The following FBXO25 variants were observed in gnomAD, a reference collection of about 807,000 sequenced individuals.
FBXO25 encodes the protein F-box only protein 25.
A neutral mutation model predicts 51.9 loss-of-function variants in FBXO25; 45 were observed. The observed-to-expected ratio is 0.87, with a 90% CI of 0.68 to 1.11. FBXO25 has a LOEUF of 1.11. Ranked by LOEUF, FBXO25 falls within the 50% of genes most tolerant of loss-of-function variation. The pLI is 0.00. For synonymous variants in FBXO25, 199 were observed against 151.0 expected (o/e 1.32, Z -2.33); for missense variants, 507 against 428.5 (o/e 1.18, Z -1.62).
At chr8:418,180 C>T (rs1159879324) in intron 2 of FBXO25, among the ~76,000 whole-genome samples, 2 of 152,100 alleles carry the variant, frequency 1.3e-5, no homozygotes, top group Non-Finnish European at 2.9e-5. Flanking sequence ...CTGTCTGCTC[C>T]CATGCCATCT....
At position 469,001 on chromosome 8, in the gene FBXO25, T is replaced by C; in HGVS notation, c.*197T>C. The C allele has an allele frequency of 3.6e-6, 2 of 551,476 alleles. No homozygotes were observed. The highest frequency in any genetic ancestry group is 6.4e-6 in the Non-Finnish European group (2 of 313,796). 34.2% of individuals were successfully genotyped at this position (551,476 alleles called of 1,614,324 possible). On this transcript the variant is annotated 3_prime_UTR_variant, in exon 10 of 10. Transcript: ENST00000350302. Reference sequence around the variant, plus strand: ...TGAAAGTCAGAGGCCAAGGAAATCATTTCTACTTCTTTAAAAACTCCTTCT... The same window carrying C: ...TGAAAGTCAGAGGCCAAGGAAATCACTTCTACTTCTTTAAAAACTCCTTCT...
intron 7 of FBXO25, among the ~76,000 whole-genome samples, chr8:457,941 G>T (rs536775845): frequency 6.6e-6 from 1 of 152,238 alleles, no homozygotes; most frequent in African/African-American, 2.4e-5. Flanking sequence ...AGGCCACCCA[G>T]TGGTGTGGCA....
At position 468,853 on chromosome 8, in the gene FBXO25, G is replaced by A; in HGVS notation, c.*49G>A. The A allele has an allele frequency of 1.9e-6, 3 of 1,571,152 alleles. No individual in the cohort carries two copies. The highest frequency in any genetic ancestry group is 2.6e-6 in the Non-Finnish European group (3 of 1,148,002). On this transcript the variant is annotated 3_prime_UTR_variant, in exon 10 of 10. Coordinates refer to ENST00000350302, the MANE Select transcript of FBXO25 (RefSeq NM_183420.2). ...GGAGATTGTGAATCCTGCTGTCTGTGCAGGGCTCATAGTGAGTGTTCTGTG... is the reference window on the plus strand; with the variant it reads ...GGAGATTGTGAATCCTGCTGTCTGTACAGGGCTCATAGTGAGTGTTCTGTG...
chr8:452,786 C>G (rs937453507), intron 7 of FBXO25, among the ~76,000 whole-genome samples: 1 of 152,180 alleles, frequency 6.6e-6, no homozygotes, highest in Non-Finnish European at 1.5e-5. Context: ...GTGGAGACAA[C>G]AGCGAAGCTC....
chr8:440,130 C>T (rs1798337695), intron 5 of FBXO25, among the ~76,000 whole-genome samples: 1 of 152,170 alleles, frequency 6.6e-6, no homozygotes, highest in Non-Finnish European at 1.5e-5. Flanking sequence ...GGCTCTGCAG[C>T]CACACAGCCG....
At chr8:446,903 G>A (rs1798769036) in intron 5 of FBXO25, among the ~76,000 whole-genome samples, 2 of 151,400 alleles carry the variant, frequency 1.3e-5, no homozygotes, top group African/African-American at 4.9e-5. Context: ...AAGAAAGGCT[G>A]GAAGGAGAAT....
At chr8:460,057 T>A (rs1453335288) in intron 8 of FBXO25, among the ~76,000 whole-genome samples, 1 of 152,092 alleles carries the variant, frequency 6.6e-6, no homozygotes, top group East Asian at 1.9e-4. Context: ...TAGAATTTTG[T>A]GTGGAGGATT....
intron 2 of FBXO25, among the ~76,000 whole-genome samples, chr8:429,496 T>C (rs770202629): frequency 6.6e-6 from 1 of 152,250 alleles, no homozygotes; most frequent in African/African-American, 2.4e-5. Context: ...TGTAGTTGAT[T>C]GCTATGAAAT....
chr8:421,525 A>C (rs1419688319), intron 2 of FBXO25, among the ~76,000 whole-genome samples: 1 of 152,222 alleles, frequency 6.6e-6, no homozygotes, highest in Admixed American at 6.5e-5. Context: ...AGAAGTTACA[A>C]ATAAGAAAGG....
intron 5 of FBXO25, among the ~76,000 whole-genome samples, chr8:439,731 T>C (rs1798312279): frequency 6.6e-6 from 1 of 152,174 alleles, no homozygotes; most frequent in South Asian, 2.1e-4. Flanking sequence ...TCCTCATGTC[T>C]GGAGATGGAC....
Position 465,522 on chromosome 8 carries a change from C to T in FBXO25, c.987+2372C>T, listed in dbSNP as rs558248575. Among the ~76,000 whole-genome samples the T allele has an allele frequency of 6.2e-4, 95 of 152,272 alleles. 1 individual carries two copies. The highest frequency in any genetic ancestry group is 2.2e-3 in the African/African-American group (93 of 41,542). On this transcript the variant is annotated intron_variant, in intron 9 of 9. Transcript: ENST00000350302. Reference sequence around the variant, plus strand: ...ATTGGAGCTCTCCCTGTCTGCTGAGCAACTAACAAAGAAATACACAGTCCT... The same window carrying T: ...ATTGGAGCTCTCCCTGTCTGCTGAGTAACTAACAAAGAAATACACAGTCCT...
At chr8:451,582 T>A in intron 7 of FBXO25, 129 bp downstream of exon 7, 1 of 902,510 alleles carries the variant, frequency 1.1e-6, no homozygotes, top group Non-Finnish European at 1.6e-6. Context: ...AAGTATTCAT[T>A]AAATTGTTTT....
At chr8:468,395 G>A (rs748334428) in intron 9 of FBXO25, 73 of 553,020 alleles carry the variant, frequency 1.3e-4, no homozygotes, top group Non-Finnish European at 1.6e-4. Flanking sequence ...GGTTTCTTCT[G>A]TGGCCTTGTA....
chr8:448,349 C>A (rs1251155849), intron 5 of FBXO25, among the ~76,000 whole-genome samples: 2 of 152,196 alleles, frequency 1.3e-5, no homozygotes, highest in African/African-American at 4.8e-5. Context: ...AAGCAAGAAC[C>A]TCCCAATGGC....
At chr8:456,895 G>A (rs1422419572) in intron 7 of FBXO25, among the ~76,000 whole-genome samples, 3 of 152,094 alleles carry the variant, frequency 2.0e-5, no homozygotes, top group African/African-American at 4.8e-5. Flanking sequence ...AAGAAAGTGG[G>A]GTGTCAAGGC....
intron 2 of FBXO25, among the ~76,000 whole-genome samples, chr8:415,664 C>G (rs1796750474): frequency 6.6e-6 from 1 of 152,168 alleles, no homozygotes; most frequent in African/African-American, 2.4e-5. Context: ...ATTGATTGGA[C>G]TAGCCAAAAG....
chr8:421,446 C>T (rs1797149004), intron 2 of FBXO25, among the ~76,000 whole-genome samples: 1 of 152,138 alleles, frequency 6.6e-6, no homozygotes. Flanking sequence ...AAGACAAAAC[C>T]TGTGGTTAGT....
At chr8:464,229 T>G (rs1235109597) in intron 9 of FBXO25, among the ~76,000 whole-genome samples, 1 of 152,232 alleles carries the variant, frequency 6.6e-6, no homozygotes, top group African/African-American at 2.4e-5. Flanking sequence ...GTGCTGGGAT[T>G]ACAGGCGTGA....
chr8:428,403 C>G (rs991400625), intron 2 of FBXO25, among the ~76,000 whole-genome samples: 1 of 152,034 alleles, frequency 6.6e-6, no homozygotes, highest in African/African-American at 2.4e-5. Flanking sequence ...TGTTGTATAA[C>G]GTTCTATTCT....
Sources: allele counts gnomAD v4.1 joint callset (sites outside exome capture counted in the v4.1 genomes callset), GRCh38; gene constraint gnomAD v4.1.1; transcripts MANE v1.5; gene names NCBI Gene and HGNC (gene_info 2026-07-23, HGNC 2026-07-21).